CADM2: variants seen among roughly 807,000 people sequenced by gnomAD.
The protein encoded by CADM2 is immunoglobulin superfamily member 4D.
In CADM2, 12 loss-of-function variants were observed where a neutral mutation model predicts 49.8. The ratio of observed to expected loss-of-function variants is 0.24; its 90% CI spans 0.15 to 0.39. The LOEUF is 0.39. Among genes scored for constraint, CADM2 ranks in the 10% least tolerant of loss-of-function variants. The pLI, the probability that CADM2 is intolerant of heterozygous loss-of-function variation, is 1.00. For synonymous variants in CADM2, 214 were observed against 175.4 expected (o/e 1.22, Z -1.74); for missense variants, 378 against 492.3 (o/e 0.77, Z 2.20).
intron 2 of CADM2, among the ~76,000 whole-genome samples, chr3:85,793,000 G>A (rs1486510274): frequency 6.6e-6 from 1 of 151,968 alleles, no homozygotes; most frequent in Admixed American, 6.6e-5. Flanking sequence ...ACATTTGAGG[G>A]AGGGACAGCT....
At chr3:86,043,749 C>A (rs1421519034) in intron 8 of CADM2, among the ~76,000 whole-genome samples, 1 of 152,120 alleles carries the variant, frequency 6.6e-6, no homozygotes, top group African/African-American at 2.4e-5. Context: ...GACCACCTTG[C>A]CAAGTCAATC....
intron 8 of CADM2, among the ~76,000 whole-genome samples, chr3:86,000,615 A>G (rs1350493069): frequency 6.6e-6 from 1 of 151,880 alleles, no homozygotes; most frequent in African/African-American, 2.4e-5. Flanking sequence ...GAGTGGAGAG[A>G]TGGGGAAGAG....
chr3:84,959,252 G>T lies in CADM2; in HGVS notation c.-356G>T. ...TCGCCCGCACCTTCTCCAACACCCC[G>T]GCATCCCTGCACCACCTGCTCGGGC... is the stretch of plus-strand genomic sequence containing the variant. On this transcript the variant is annotated 5_prime_UTR_variant, in exon 1 of 10. Transcript: ENST00000383699. 2.6e-6 allele frequency: 1 copy of T among 390,144 alleles called. No homozygotes were observed. Among genetic ancestry groups the T allele is most frequent in the Non-Finnish European group, 4.7e-6 (1 of 213,048 alleles). The allele number at this position is 390,144 out of a possible 1,614,324, so 24.2% of individuals were successfully genotyped here.
chr3:85,550,897 C>T (rs2061785637), intron 1 of CADM2, among the ~76,000 whole-genome samples: 1 of 152,076 alleles, frequency 6.6e-6, no homozygotes, highest in African/African-American at 2.4e-5. Context: ...CATGGCTTTC[C>T]CAAATTTGTT....
intron 1 of CADM2, among the ~76,000 whole-genome samples, chr3:85,244,727 G>C (rs980103273): frequency 6.6e-6 from 1 of 152,186 alleles, no homozygotes; most frequent in Non-Finnish European, 1.5e-5. Context: ...GGTTTCTGAG[G>C]TCATTGATTC....
chr3:86,033,131 C>A (rs1052141757), intron 8 of CADM2, among the ~76,000 whole-genome samples: 7 of 151,846 alleles, frequency 4.6e-5, no homozygotes, highest in African/African-American at 1.2e-4. Context: ...CAAACACGAT[C>A]ATCTTCTGTC....
In CADM2 at chr3:85,328,042, T is replaced by C. The variant is rs184399229; in HGVS notation, c.61+368374T>C. On this transcript the variant is annotated intron_variant, in intron 1 of 9. Transcript: ENST00000383699. ...GTCGAAATACTTCTTTCCTTATCCCTGAAGAGAGAAATTGTCTTCTAGTTG... is the reference window on the plus strand; with the variant it reads ...GTCGAAATACTTCTTTCCTTATCCCCGAAGAGAGAAATTGTCTTCTAGTTG... 5.8e-4 allele frequency among the ~76,000 whole-genome samples: 89 copies of C among 152,324 alleles called. No individual in the cohort carries two copies. The East Asian group carries it at 0.012, about 21-fold the overall frequency.
At chr3:85,449,311 C>T (rs2037639700) in intron 1 of CADM2, among the ~76,000 whole-genome samples, 1 of 151,466 alleles carries the variant, frequency 6.6e-6, no homozygotes, top group Non-Finnish European at 1.5e-5. Context: ...TATATAAAGG[C>T]GAGCTTTTCC....
At chr3:85,777,441 G>T (rs1013701054) in intron 2 of CADM2, among the ~76,000 whole-genome samples, 6 of 151,924 alleles carry the variant, frequency 3.9e-5, no homozygotes, top group African/African-American at 9.7e-5. Context: ...TTTTAGTAGA[G>T]ATGGGGTTTC....
intron 1 of CADM2, among the ~76,000 whole-genome samples, chr3:85,556,963 A>G (rs899814367): frequency 3.9e-5 from 6 of 152,060 alleles, no homozygotes; most frequent in Non-Finnish European, 7.4e-5. Flanking sequence ...CTCCTAAACC[A>G]TTTGCTCTGA....
intron 1 of CADM2, among the ~76,000 whole-genome samples, chr3:85,236,873 C>T (rs1227827904): frequency 1.3e-5 from 2 of 152,026 alleles, no homozygotes; most frequent in Non-Finnish European, 2.9e-5. Flanking sequence ...CAGACAATTT[C>T]TTGTCTTAGG....
At chr3:85,623,672 C>T (rs1299434842) in intron 1 of CADM2, among the ~76,000 whole-genome samples, 1 of 152,140 alleles carries the variant, frequency 6.6e-6, no homozygotes, top group East Asian at 1.9e-4. Context: ...TCTGTCTTTC[C>T]TTAAACTATA....
intron 1 of CADM2, among the ~76,000 whole-genome samples, chr3:85,469,087 T>G (rs548100633): frequency 4.1e-4 from 62 of 152,332 alleles, no homozygotes; most frequent in Non-Finnish European, 7.9e-4. Flanking sequence ...TGCAAGAGTT[T>G]GCAGTGCAAA....
chr3:85,349,761 T>G (rs1397422235), intron 1 of CADM2, among the ~76,000 whole-genome samples: 2 of 152,186 alleles, frequency 1.3e-5, no homozygotes, highest in Non-Finnish European at 2.9e-5. Context: ...CTTGCAAAAT[T>G]TAGACAGTGT....
intron 1 of CADM2, among the ~76,000 whole-genome samples, chr3:85,377,304 T>A (rs529984118): frequency 7.9e-5 from 12 of 152,204 alleles, no homozygotes; most frequent in Admixed American, 4.6e-4. Flanking sequence ...GATAGCGGAA[T>A]TAGTGTCTAC....
At chr3:86,013,900 C>G in intron 8 of CADM2, 4 of 1,592,478 alleles carry the variant, frequency 2.5e-6, no homozygotes, top group Non-Finnish European at 3.4e-6. Context: ...TATCCCCAAG[C>G]TATCTACACA....
intron 1 of CADM2, among the ~76,000 whole-genome samples, chr3:85,594,256 A>T (rs906337673): frequency 2.6e-5 from 4 of 151,886 alleles, no homozygotes; most frequent in African/African-American, 9.7e-5. Flanking sequence ...AAGCCTAAGG[A>T]ATCTCATGAA....
intron 1 of CADM2, among the ~76,000 whole-genome samples, chr3:85,135,126 G>T (rs1398055250): frequency 6.6e-6 from 1 of 151,822 alleles, no homozygotes; most frequent in African/African-American, 2.4e-5. Context: ...GAAAATCAGA[G>T]ATTATAATAT....
At chr3:85,508,812 C>T (rs977469869) in intron 1 of CADM2, among the ~76,000 whole-genome samples, 1 of 146,248 alleles carries the variant, frequency 6.8e-6, no homozygotes, top group Non-Finnish European at 1.5e-5. Flanking sequence ...AGAGCCTCAT[C>T]CTGAAAGGAT....
Sources: gnomAD v4.1 joint callset for allele counts (sites outside exome capture counted in the v4.1 genomes callset) on GRCh38, gnomAD v4.1.1 for gene constraint, MANE v1.5 for transcripts, NCBI Gene and HGNC (gene_info 2026-07-23, HGNC 2026-07-21) for gene names.